The following KIF20B variants were observed in gnomAD, a reference collection of about 807,000 sequenced individuals.
KIF20B encodes kinesin family member 20B, also known as kinesin-like protein KIF20B.
KIF20B carries 188 observed loss-of-function variants against 232.5 expected under a neutral mutation model. The observed-to-expected ratio is 0.81, with a 90% CI of 0.72 to 0.91. The LOEUF is 0.91. Ranked by LOEUF, KIF20B falls within the 40% of genes least tolerant of loss-of-function variation. KIF20B has a pLI of 0.00. For synonymous variants in KIF20B, 712 were observed against 683.0 expected, an observed-to-expected ratio of 1.04 and a Z score of -0.66; for missense variants, 2,154 against 2,055.9, an observed-to-expected ratio of 1.05 and a Z score of -0.92.
chr10:89,719,136 C>T (rs1049717544), intron 12 of KIF20B, among the ~76,000 whole-genome samples: 5 of 152,118 alleles, frequency 3.3e-5, no homozygotes, highest in African/African-American at 9.7e-5. Flanking sequence ...TGCCATTCAT[C>T]TTGTTCATTT....
intron 21 of KIF20B, among the ~76,000 whole-genome samples, chr10:89,743,021 G>T (rs942191449): frequency 2.6e-5 from 4 of 152,014 alleles, no homozygotes; most frequent in Non-Finnish European, 5.9e-5. Flanking sequence ...TTTTTATGGG[G>T]CATCTTTTCA....
rs1274810256 is a variant in KIF20B at position 89,774,898 on chromosome 10, T to A, written c.*850T>A. 6.6e-6 allele frequency: 1 copy of A among 152,032 alleles called. No individual in the cohort carries two copies. Among genetic ancestry groups the A allele is most frequent in the Non-Finnish European group, 1.5e-5 (1 of 67,948 alleles). The allele number at this position is 152,032 out of a possible 1,614,324, so 9.4% of individuals were successfully genotyped here. A position where few individuals can be genotyped will look rare whatever the true frequency, so the allele number is the denominator to read the frequency against. On this transcript the variant is annotated 3_prime_UTR_variant, in exon 33 of 33. Coordinates refer to ENST00000371728, the MANE Select transcript of KIF20B (RefSeq NM_001284259.2). ...CTGTATGCCCATGAGGTCAATTGAT[T>A]TTATTTTTAGATCCCATAAATAAAT...
chr10:89,738,499 G>A lies in KIF20B; in HGVS notation c.3658G>A (p.Val1220Ile), dbSNP rs770754356. The A allele has an allele frequency of 1.2e-6, 2 of 1,604,960 alleles. No individual in the cohort carries two copies. The highest frequency in any genetic ancestry group is 2.2e-5 in the East Asian group (1 of 44,682). ...TGTCAAAAACACCAAAGATTTAAAT[G>A]TAAAGGAACTCAAGCTGAAAGAAGA... is the stretch of plus-strand genomic sequence containing the variant. ...DSVKNTKDLN[V>I]KELKLKEEIT... is the part of the protein sequence containing the mutation. Residue 1220 changes from valine to isoleucine, a missense_variant, in exon 20 of 33, where the codon GTA becomes ATA. Val to Ile is a conservative substitution (Grantham distance 29). Coordinates refer to ENST00000371728, the MANE Select transcript of KIF20B (RefSeq NM_001284259.2).
intron 23 of KIF20B, among the ~76,000 whole-genome samples, chr10:89,746,535 G>A (rs1222249323): frequency 6.6e-6 from 1 of 152,168 alleles, no homozygotes; most frequent in East Asian, 1.9e-4. Context: ...ATGTTCAGCT[G>A]CTTGTGTGTG....
Position 89,758,721 on chromosome 10 carries a change from C to A in KIF20B, c.4519C>A (p.Gln1507Lys). 1 of 1,585,658 alleles carries A rather than the reference C, an allele frequency of 6.3e-7. No homozygotes were observed. ...QQNEMEILTA[Q>K]LTEKDSDLQK... Reference sequence around the variant, plus strand: ...TCCTGATTAGGAAATACTGACAGCCCAGCTGACAGAGAAAGATAGTGACCT... The same window carrying A: ...TCCTGATTAGGAAATACTGACAGCCAAGCTGACAGAGAAAGATAGTGACCT... Residue 1507 changes from glutamine (Q) to lysine (K), a missense_variant, in exon 27 of 33, where the codon CAG becomes AAG. Physicochemically the swap from Gln to Lys is moderately conservative, Grantham distance 53. Transcript: ENST00000371728.
chr10:89,745,896 TAGGAGC>T lies in KIF20B; in HGVS notation c.4036_4041del (p.Glu1346_Gln1347del), dbSNP rs745600242. Reference sequence around the variant, plus strand: ...AATTAATTTATATTCTTTCAATTTGTAGGAGCAGTTAAATAATCAGAAAGTGGAAGA... The same window carrying T: ...AATTAATTTATATTCTTTCAATTTGTAGTTAAATAATCAGAAAGTGGAAGA... On this transcript the variant is annotated splice_acceptor_variant and coding_sequence_variant, in exon 23 of 33. Coordinates refer to ENST00000371728, the MANE Select transcript of KIF20B (RefSeq NM_001284259.2). LOFTEE classifies it high-confidence loss of function. The T allele has an allele frequency of 1.9e-6, 3 of 1,577,654 alleles. No homozygotes were observed. Among genetic ancestry groups the T allele is most frequent in the Non-Finnish European group, 2.6e-6 (3 of 1,146,790 alleles).
At chr10:89,717,034 G>T (rs1270188469) in intron 9 of KIF20B, among the ~76,000 whole-genome samples, 1 of 152,124 alleles carries the variant, frequency 6.6e-6, no homozygotes, top group Non-Finnish European at 1.5e-5. Flanking sequence ...TTGGGCATGG[G>T]ACAATACAAG....
chr10:89,703,556 A>C (rs1465224714), intron 1 of KIF20B, among the ~76,000 whole-genome samples: 1 of 152,156 alleles, frequency 6.6e-6, no homozygotes, highest in Non-Finnish European at 1.5e-5. Context: ...TCTCCGGATC[A>C]TAGAAACTCT....
chr10:89,741,061 A>C (rs562402548), intron 21 of KIF20B, among the ~76,000 whole-genome samples: 92 of 152,318 alleles, frequency 6.0e-4, no homozygotes, highest in Non-Finnish European at 1.3e-3. Context: ...GCAATTATAC[A>C]ATTCACCATA....
intron 21 of KIF20B, among the ~76,000 whole-genome samples, chr10:89,740,956 G>T (rs1256885249): frequency 6.6e-6 from 1 of 152,176 alleles, no homozygotes; most frequent in African/African-American, 2.4e-5. Context: ...ATTTTTCCAT[G>T]GACCAGGGTA....
At chr10:89,764,770 G>A (rs941608626) in intron 29 of KIF20B, among the ~76,000 whole-genome samples, 10 of 151,302 alleles carry the variant, frequency 6.6e-5, no homozygotes, top group African/African-American at 2.4e-4. Context: ...AAATTTGTTT[G>A]AGTTCATTGT....
chr10:89,708,497 C>T (rs1842772989), intron 2 of KIF20B, among the ~76,000 whole-genome samples: 1 of 152,168 alleles, frequency 6.6e-6, no homozygotes. Context: ...AGGCATGAGC[C>T]ACCGCTCCTG....
rs773001312 is a variant in KIF20B, at chr10:89,719,633, C to G, written c.1649C>G (p.Thr550Ser). Residue 550 changes from threonine to serine, a missense_variant, in exon 13 of 33, where the codon ACT becomes AGT. Coordinates refer to ENST00000371728, the MANE Select transcript of KIF20B (RefSeq NM_001284259.2). The stretch of plus-strand genomic sequence containing the variant: ...GCTGAAGAAACTCAAAATGTGGAAA[C>G]TAAACTTCTTGATGAAGATCTAGAT... Reference protein sequence around the residue: ...ENAEETQNVETKLLDEDLDKT... With the variant: ...ENAEETQNVESKLLDEDLDKT... 6.2e-7 allele frequency: 1 copy of G among 1,612,994 alleles called. No individual in the cohort carries two copies. Among genetic ancestry groups the G allele is most frequent in the South Asian group, 1.1e-5 (1 of 91,012 alleles).
rs563654551 is a variant in KIF20B, at chr10:89,702,097, G to A, written c.-2+417G>A. Among the ~76,000 whole-genome samples, 76 of 152,286 alleles carry A rather than the reference G, an allele frequency of 5.0e-4. 1 individual carries two copies. Among genetic ancestry groups the A allele is most frequent in the Middle Eastern group, 6.8e-3 (2 of 294 alleles). On this transcript the variant is annotated intron_variant, in intron 1 of 32. Coordinates refer to ENST00000371728, the MANE Select transcript of KIF20B (RefSeq NM_001284259.2). ...GTTTGCAGTTATTAATATTATTATT[G>A]TTGTTGCTTCTGTTGTTGTTGAGGA...
At chr10:89,733,471 TATTC>T (rs1843374417) in intron 19 of KIF20B, among the ~76,000 whole-genome samples, 1 of 152,166 alleles carries the variant, frequency 6.6e-6, no homozygotes, top group Non-Finnish European at 1.5e-5. Flanking sequence ...ATAATAAATG[TATTC>T]AAGCTGTATT....
rs754417788 is a variant in KIF20B, at chr10:89,738,421, A to G, written c.3580A>G (p.Ile1194Val). 8.1e-6 allele frequency: 13 copies of G among 1,601,214 alleles called. No homozygotes were observed. In the South Asian group the frequency reaches 1.5e-4, roughly 18 times the overall value. ...AGACATTTTGGAAAAGGAATCTATC[A>G]TCTTAAAGCTAGAAAGAAATTTGAA... is the stretch of plus-strand genomic sequence containing the variant. The part of the protein sequence containing the change: ...EQDILEKESI[I>V]LKLERNLKEF... The change falls in exon 20 of 33, where the codon ATC becomes GTC. Residue 1194 changes from isoleucine (I) to valine (V), a missense_variant. Coordinates refer to ENST00000371728, the MANE Select transcript of KIF20B (RefSeq NM_001284259.2).
In KIF20B at chr10:89,719,723, C is replaced by T; in HGVS notation, c.1722+17C>T. ...GAGAAAAGAGTATGTATTAAGAACTCATACTTCTATGCTTGTCTTCTTATT... is the reference window on the plus strand; with the variant it reads ...GAGAAAAGAGTATGTATTAAGAACTTATACTTCTATGCTTGTCTTCTTATT... On this transcript the variant is annotated intron_variant, in intron 13 of 32. Transcript: ENST00000371728. The T allele has an allele frequency of 6.4e-7, 1 of 1,554,210 alleles. No homozygotes were observed. The highest frequency in any genetic ancestry group is 8.7e-7 in the Non-Finnish European group (1 of 1,148,444).
chr10:89,755,752 C>G lies in KIF20B; in HGVS notation c.4503+1079C>G, dbSNP rs576977542. On this transcript the variant is annotated intron_variant, in intron 26 of 32. Coordinates refer to ENST00000371728, the MANE Select transcript of KIF20B (RefSeq NM_001284259.2). Reference sequence around the variant, plus strand: ...GGGACTACAGGCACATGCCACCACACCTAGGTAAATCTTTTATTTTTTGTA... The same window carrying G: ...GGGACTACAGGCACATGCCACCACAGCTAGGTAAATCTTTTATTTTTTGTA... Among the ~76,000 whole-genome samples, 7 of 152,052 alleles carry G rather than the reference C, an allele frequency of 4.6e-5. No homozygotes were observed. In the South Asian group the frequency reaches 1.5e-3, roughly 32 times the overall value.
intron 11 of KIF20B, among the ~76,000 whole-genome samples, chr10:89,718,144 C>T (rs1232720988): frequency 6.6e-6 from 1 of 152,192 alleles, no homozygotes; most frequent in Non-Finnish European, 1.5e-5. Context: ...CTCTTATATA[C>T]TTGCTCTATA....
Sources: allele counts gnomAD v4.1 joint callset (sites outside exome capture counted in the v4.1 genomes callset), GRCh38; gene constraint gnomAD v4.1.1; transcripts MANE v1.5; gene names NCBI Gene and HGNC (gene_info 2026-07-23, HGNC 2026-07-21).